IARS1: variants seen among roughly 807,000 people sequenced by gnomAD.
IARS1 encodes isoleucyl-tRNA synthetase 1, also known as isoleucine--tRNA ligase, cytoplasmic.
Under a neutral mutation model 168.2 loss-of-function variants are expected in IARS1, and 124 were observed. The ratio of observed to expected loss-of-function variants is 0.74; its 90% CI spans 0.64 to 0.86. The LOEUF (loss-of-function observed/expected upper bound fraction) is 0.86. Ranked by LOEUF, IARS1 falls within the 40% of genes least tolerant of loss-of-function variation. The pLI is 0.00. For missense variants in IARS1, 1,452 were observed against 1,515.8 expected (o/e 0.96, Z 0.70); for synonymous variants, 532 against 529.4 (o/e 1.00, Z -0.07).
chr9:92,243,298 A>G lies in IARS1; in HGVS notation c.2918T>C (p.Leu973Ser). The G allele has an allele frequency of 6.2e-7, 1 of 1,612,566 alleles. No homozygotes were observed. The highest frequency in any genetic ancestry group is 8.5e-7 in the Non-Finnish European group (1 of 1,178,652). ...CATTGACTGGTCAGGAGTGACATCT[A>G]AGAGGACCAAAGCCTGTGGGAATGA... ...AHSDAQALVL[L>S]DVTPDQSMVD... is the part of the protein sequence containing the mutation. Residue 973 changes from leucine (L) to serine (S), a missense_variant, in exon 28 of 34, where the codon TTA becomes TCA. Physicochemically the swap from Leu to Ser is moderately radical, Grantham distance 145. Coordinates refer to ENST00000443024, the MANE Select transcript of IARS1 (RefSeq NM_002161.6).
chr9:92,285,718 G>C lies in IARS1; in HGVS notation c.597+4C>G, dbSNP rs146926129. On this transcript the variant is annotated splice_donor_region_variant and intron_variant, in intron 6 of 33. Coordinates refer to ENST00000443024, the MANE Select transcript of IARS1 (RefSeq NM_002161.6). ...GCTGAATAATGTCTCTACATTTCAC[G>C]TACCTTATAATTCTGGTGTGACTCG... 1 of 1,549,964 alleles carries C rather than the reference G, an allele frequency of 6.5e-7. No homozygotes were observed. The highest frequency in any genetic ancestry group is 1.1e-5 in the South Asian group (1 of 89,720).
chr9:92,265,211 A>T, intron 15 of IARS1, 88 bp from the exon 16 acceptor site: 3 of 1,149,396 alleles, frequency 2.6e-6, no homozygotes, highest in Non-Finnish European at 3.7e-6. Flanking sequence ...CAAAACCCTG[A>T]CAAGATATTA....
chr9:92,271,589 C>T lies in IARS1; in HGVS notation c.1057G>A (p.Asp353Asn), dbSNP rs1450983405. The change falls in exon 11 of 34, where the codon GAT becomes AAT. Residue 353 changes from aspartate to asparagine, a missense_variant. Transcript: ENST00000443024. The part of the protein sequence containing the change: ...RKDSLPVCPV[D>N]ASGCFTTEVT... ...TCCGTTGTGAAGCAGCCTGAAGCAT[C>T]CACAGGGCAAACAGGGAGTGAGTCT... 2 of 1,613,976 alleles carry T rather than the reference C, an allele frequency of 1.2e-6. No individual in the cohort carries two copies. Among genetic ancestry groups the T allele is most frequent in the African/African-American group, 2.7e-5 (2 of 74,926 alleles).
chr9:92,258,796 G>A, intron 19 of IARS1, 58 bp downstream of exon 19: 4 of 1,493,726 alleles, frequency 2.7e-6, no homozygotes, highest in Non-Finnish European at 2.7e-6. Context: ...TCACAGCTTG[G>A]TGAAGGGAGC....
At chr9:92,285,941 G>A in intron 5 of IARS1, 102 bp from the exon 6 acceptor site, 7 of 684,510 alleles carry the variant, frequency 1.0e-5, no homozygotes, top group East Asian at 2.6e-5. Flanking sequence ...TGCCAAATAA[G>A]TGAAAAAACA....
chr9:92,252,763 TCAAAAAAAAA>T (rs1830187991), intron 21 of IARS1, among the ~76,000 whole-genome samples: 1 of 11,308 alleles, frequency 8.8e-5, no homozygotes, highest in African/African-American at 1.2e-3. Flanking sequence ...AAACTCCTTC[TCAAAAAAAAA>T]AAAAAAAAAA....
In IARS1 at chr9:92,288,202, A is replaced by G. The variant is rs373561821; in HGVS notation, c.200T>C (p.Ile67Thr). The change falls in exon 3 of 34, where the codon ATA (isoleucine) becomes ACA (threonine). Residue 67 changes from isoleucine (I) to threonine (T), a missense_variant. Physicochemically the swap from Ile to Thr is moderately conservative, Grantham distance 89 (BLOSUM62 -1). Transcript: ENST00000443024. ...ACTCTGGTGAGCATATCTTGTAACT[A>G]TATCTTTAATTGTACCCGCAAGTAT... ...GHILAGTIKD[I>T]VTRYAHQSGF... 1.1e-4 allele frequency: 173 copies of G among 1,613,946 alleles called. No individual in the cohort carries two copies. Among genetic ancestry groups the G allele is most frequent in the Middle Eastern group, 1.6e-4 (1 of 6,084 alleles).
At chr9:92,229,178 A>C in intron 30 of IARS1, 52 bp from the exon 31 acceptor site, 2 of 1,587,296 alleles carry the variant, frequency 1.3e-6, no homozygotes, top group Non-Finnish European at 1.7e-6. Context: ...ACTAAAAAGA[A>C]AATGTTACAT....
At position 92,274,407 on chromosome 9, in the gene IARS1, C is replaced by G; in HGVS notation, c.990+19G>C. 6.3e-7 allele frequency: 1 copy of G among 1,591,870 alleles called. No individual in the cohort carries two copies. The highest frequency in any genetic ancestry group is 8.6e-7 in the Non-Finnish European group (1 of 1,159,938). ...CTACCGACATACTCAAATACATTTG[C>G]CAGACTTATGCTACTCACAGCACCG... On this transcript the variant is annotated intron_variant, in intron 10 of 33. Coordinates refer to ENST00000443024, the MANE Select transcript of IARS1 (RefSeq NM_002161.6).
chr9:92,224,177 G>A (rs558388908), intron 31 of IARS1, among the ~76,000 whole-genome samples: 11 of 152,196 alleles, frequency 7.2e-5, no homozygotes, highest in Non-Finnish European at 1.5e-4. Context: ...AGGACTGGCT[G>A]GCAGAGAAAG....
intron 6 of IARS1, among the ~76,000 whole-genome samples, chr9:92,283,047 G>GT (rs373135814): frequency 6.6e-6 from 1 of 152,022 alleles, no homozygotes; most frequent in African/African-American, 2.4e-5. Context: ...TAGAGATGGG[G>GT]TTTTGTCATG....
At chr9:92,263,753 A>G (rs745503964) in intron 16 of IARS1, among the ~76,000 whole-genome samples, 1 of 152,194 alleles carries the variant, frequency 6.6e-6, no homozygotes, top group Non-Finnish European at 1.5e-5. Context: ...AGGAATGGAG[A>G]AGGAGGCAGG....
At chr9:92,235,624 T>C (rs1336637049) in intron 30 of IARS1, among the ~76,000 whole-genome samples, 2 of 151,274 alleles carry the variant, frequency 1.3e-5, no homozygotes, top group African/African-American at 4.9e-5. Flanking sequence ...TTCAAGCAAT[T>C]CTCCTGCCTC....
chr9:92,292,157 A>G (rs549564687), intron 1 of IARS1, among the ~76,000 whole-genome samples: 1 of 147,112 alleles, frequency 6.8e-6, no homozygotes, highest in Admixed American at 6.7e-5. Flanking sequence ...AGCTAGGACT[A>G]CAGGTGTGCA....
chr9:92,270,172 G>A (rs942510747), intron 12 of IARS1, among the ~76,000 whole-genome samples, 189 bp from the exon 13 acceptor site: 2 of 152,036 alleles, frequency 1.3e-5, no homozygotes, highest in African/African-American at 4.8e-5. Context: ...AGTAAGAAAG[G>A]CAAAAACTAA....
At chr9:92,219,077 T>C (rs530400856) in intron 33 of IARS1, among the ~76,000 whole-genome samples, 2 of 152,260 alleles carry the variant, frequency 1.3e-5, no homozygotes, top group African/African-American at 4.8e-5. Flanking sequence ...AATAGAGATA[T>C]AGATCAATGG....
Position 92,285,808 on chromosome 9 carries a change from G to C in IARS1, c.511C>G (p.Leu171Val). The change falls in exon 6 of 34, where the codon CTT becomes GTT. Residue 171 changes from leucine to valine, a missense_variant. Coordinates refer to ENST00000443024, the MANE Select transcript of IARS1 (RefSeq NM_002161.6). Reference protein sequence around the residue: ...WVFKQLYDKGLVYRGVKVMPF... With the variant: ...WVFKQLYDKGVVYRGVKVMPF... ...ATGACTTTCACACCTCTATAAACAA[G>C]GCCTTTATCATAGAGTTGTTTGAAG... 6.2e-7 allele frequency: 1 copy of C among 1,611,910 alleles called. No individual in the cohort carries two copies. The highest frequency in any genetic ancestry group is 8.5e-7 in the Non-Finnish European group (1 of 1,178,234).
intron 14 of IARS1, among the ~76,000 whole-genome samples, chr9:92,266,572 CCA>C (rs930199912): frequency 6.6e-6 from 1 of 152,160 alleles, no homozygotes; most frequent in Admixed American, 6.5e-5. Context: ...AATTTAATCC[CCA>C]GTGTGGCAGT....
At chr9:92,259,318 C>T (rs1267402592) in intron 18 of IARS1, among the ~76,000 whole-genome samples, 2 of 152,180 alleles carry the variant, frequency 1.3e-5, no homozygotes, top group Admixed American at 6.5e-5. Flanking sequence ...GCCTGGTCCT[C>T]GTCAAGAGCC....
Sources: gnomAD v4.1 joint callset for allele counts (sites outside exome capture counted in the v4.1 genomes callset) on GRCh38, gnomAD v4.1.1 for gene constraint, MANE v1.5 for transcripts, NCBI Gene and HGNC (gene_info 2026-07-23, HGNC 2026-07-21) for gene names.